SNRK: variants seen among roughly 807,000 people sequenced by gnomAD.
SNRK encodes the protein SNF related kinase, also known as SNF-related serine/threonine-protein kinase.
A neutral mutation model predicts 48.2 loss-of-function variants in SNRK; 3 were observed. That is an observed-to-expected ratio of 0.06 (90% CI 0.03 to 0.16). SNRK has a LOEUF of 0.16. Ranked by LOEUF, SNRK falls within the 10% of genes least tolerant of loss-of-function variation. The pLI is 1.00. For missense variants in SNRK, 627 were observed against 976.0 expected, an observed-to-expected ratio of 0.64 and a Z score of 4.76; for synonymous variants, 376 against 366.1, an observed-to-expected ratio of 1.03 and a Z score of -0.31.
chr3:43,347,597 A>G lies in SNRK; in HGVS notation c.1338A>G (p.Glu446=). 6.2e-7 allele frequency: 1 copy of G among 1,614,032 alleles called. No individual in the cohort carries two copies. Among genetic ancestry groups the G allele is most frequent in the Non-Finnish European group, 8.5e-7 (1 of 1,180,010 alleles). The change falls in exon 7 of 7, where the codon GAA becomes GAG. Residue 446 remains glutamate (E), a synonymous_variant. Coordinates refer to ENST00000296088, the MANE Select transcript of SNRK (RefSeq NM_017719.5). The surrounding 1 kb of genome is among the most constrained non-coding windows in gnomAD (Gnocchi z 5.4). The part of the protein sequence containing the change: ...ASGRKCLFRV[E]EDEEEDEEDK... Reference sequence around the variant, plus strand: ...GGCGGAAGTGTCTGTTCAGGGTGGAAGAAGATGAAGAGGAAGATGAGGAGG... The same window carrying G: ...GGCGGAAGTGTCTGTTCAGGGTGGAGGAAGATGAAGAGGAAGATGAGGAGG...
At chr3:43,293,402 C>A (rs2125612757) in intron 1 of SNRK, among the ~76,000 whole-genome samples, 1 of 152,172 alleles carries the variant, frequency 6.6e-6, no homozygotes, top group South Asian at 2.1e-4. Flanking sequence ...TCATAGATCT[C>A]TTAATGGAAA....
intron 4 of SNRK, chr3:43,333,450 G>A (rs1442435745): frequency 8.6e-5 from 13 of 150,322 alleles, no homozygotes; most frequent in Non-Finnish European, 1.8e-4. Flanking sequence ...TGATGTCAGA[G>A]TGGTAGAAAC....
At chr3:43,340,179 C>T (rs2091224645) in intron 4 of SNRK, 108 bp from the exon 5 acceptor site, 1 of 866,180 alleles carries the variant, frequency 1.2e-6, no homozygotes, top group South Asian at 1.5e-5. Flanking sequence ...CACTAGTGCA[C>T]CTAATTTAAT....
At chr3:43,343,218 T>G in intron 5 of SNRK, 126 bp from the exon 6 acceptor site, 2 of 1,287,250 alleles carry the variant, frequency 1.6e-6, no homozygotes, top group Non-Finnish European at 2.0e-6. Flanking sequence ...GGTTTGCATT[T>G]TTTGCATAAT....
chr3:43,337,087 T>C (rs1190321936), intron 4 of SNRK, among the ~76,000 whole-genome samples: 1 of 151,770 alleles, frequency 6.6e-6, no homozygotes, highest in Non-Finnish European at 1.5e-5. Flanking sequence ...TTTTCTATTT[T>C]TTTTGAGGTG....
chr3:43,289,519 A>G (rs1207371593), intron 1 of SNRK, among the ~76,000 whole-genome samples: 1 of 152,198 alleles, frequency 6.6e-6, no homozygotes, highest in Non-Finnish European at 1.5e-5. Flanking sequence ...AATTCCTCAG[A>G]TTTAATGGCC....
At chr3:43,329,256 G>A (rs1036492536) in intron 3 of SNRK, among the ~76,000 whole-genome samples, 2 of 152,138 alleles carry the variant, frequency 1.3e-5, no homozygotes, top group Non-Finnish European at 2.9e-5. Context: ...GGCTAACACA[G>A]TGAAACCTCG....
intron 3 of SNRK, among the ~76,000 whole-genome samples, chr3:43,325,311 G>T (rs1294056835): frequency 1.3e-5 from 2 of 152,106 alleles, no homozygotes; most frequent in Admixed American, 6.5e-5. Flanking sequence ...GATTATAGGT[G>T]CCCGCCACCG....
intron 1 of SNRK, among the ~76,000 whole-genome samples, chr3:43,289,020 T>C (rs2090788752): frequency 6.6e-6 from 1 of 151,904 alleles, no homozygotes; most frequent in African/African-American, 2.4e-5. Flanking sequence ...GGCCCTAGGG[T>C]AGAGGGAGGG....
intron 3 of SNRK, among the ~76,000 whole-genome samples, chr3:43,324,311 C>A (rs1419458255): frequency 2.6e-5 from 4 of 152,114 alleles, no homozygotes; most frequent in Non-Finnish European, 5.9e-5. Flanking sequence ...AGTTCAAGAT[C>A]AGCCTGGCCA....
At chr3:43,340,872 G>T (rs2091230596) in intron 5 of SNRK, among the ~76,000 whole-genome samples, 1 of 152,196 alleles carries the variant, frequency 6.6e-6, no homozygotes, top group Admixed American at 6.5e-5. Context: ...AGTACCACCT[G>T]CCTAGAGTCC....
chr3:43,308,140 G>A (rs2090952697), intron 3 of SNRK, among the ~76,000 whole-genome samples: 1 of 152,200 alleles, frequency 6.6e-6, no homozygotes, highest in Admixed American at 6.5e-5. Flanking sequence ...GGAGGAAGCT[G>A]CAGAGGAAAA....
chr3:43,291,118 T>C lies in SNRK; in HGVS notation c.-169+4443T>C, dbSNP rs114973829. Among the ~76,000 whole-genome samples the C allele has an allele frequency of 1.8e-3, 279 of 152,128 alleles. 1 individual carries two copies. Among genetic ancestry groups the C allele is most frequent in the Non-Finnish European group, 2.4e-3 (164 of 67,996 alleles). ...TAAGGGCTAGCCTAGACCTAAGAAGTAGAAATTGATGAATTATATGGAATA... is the reference window on the plus strand; with the variant it reads ...TAAGGGCTAGCCTAGACCTAAGAAGCAGAAATTGATGAATTATATGGAATA... On this transcript the variant is annotated intron_variant, in intron 1 of 6. Transcript: ENST00000296088.
chr3:43,338,659 A>G (rs1393422383), intron 4 of SNRK, among the ~76,000 whole-genome samples: 2 of 152,086 alleles, frequency 1.3e-5, no homozygotes, highest in Admixed American at 6.5e-5. Flanking sequence ...TCTTCTTTTT[A>G]TAAAATTGTT....
chr3:43,318,239 G>A (rs796322624), intron 3 of SNRK, among the ~76,000 whole-genome samples: 1 of 152,120 alleles, frequency 6.6e-6, no homozygotes, highest in Non-Finnish European at 1.5e-5. Context: ...CTTTGCTCCT[G>A]TGGTTTTCTC....
chr3:43,347,993 G>T lies in SNRK; in HGVS notation c.1734G>T (p.Gly578=). ...GCGAGGGGCCCCCTGGCAGTGAGGG[G>T]GATGGCGGGGGCCAGAGCAAGCCAA... The part of the protein sequence containing the change: ...DSSEGPPGSE[G]DGGGQSKPSN... Residue 578 remains glycine (G), a synonymous_variant, in exon 7 of 7, where the codon GGG becomes GGT. Coordinates refer to ENST00000296088, the MANE Select transcript of SNRK (RefSeq NM_017719.5). The surrounding 1 kb of genome is among the most constrained non-coding windows in gnomAD (Gnocchi z 5.4). 2 of 1,613,696 alleles carry T rather than the reference G, an allele frequency of 1.2e-6. No homozygotes were observed. Among genetic ancestry groups the T allele is most frequent in the Middle Eastern group, 1.7e-4 (1 of 6,056 alleles).
intron 3 of SNRK, among the ~76,000 whole-genome samples, chr3:43,308,869 G>A (rs2090957403): frequency 2.6e-5 from 4 of 152,194 alleles, no homozygotes; most frequent in Admixed American, 2.6e-4. Context: ...ATCCATCTGG[G>A]CAAAGTAAGT....
At chr3:43,329,410 C>A (rs1251445008) in intron 3 of SNRK, among the ~76,000 whole-genome samples, 2 of 151,904 alleles carry the variant, frequency 1.3e-5, no homozygotes, top group African/African-American at 2.4e-5. Flanking sequence ...TGCCCTCCAG[C>A]CTGGGTGACA....
intron 1 of SNRK, among the ~76,000 whole-genome samples, chr3:43,293,856 T>C (rs911340120): frequency 1.3e-5 from 2 of 151,962 alleles, no homozygotes; most frequent in Admixed American, 6.6e-5. Context: ...GAGGTTGAGG[T>C]TGCATTGAGC....
Sources: gnomAD v4.1 joint callset for allele counts (sites outside exome capture counted in the v4.1 genomes callset) on GRCh38, gnomAD v4.1.1 for gene constraint, Gnocchi (gnomAD v3.1) non-coding constraint, MANE v1.5 for transcripts, NCBI Gene and HGNC (gene_info 2026-07-23, HGNC 2026-07-21) for gene names.